Variants in LRPAP1 observed in about 807,000 individuals in gnomAD.
LRPAP1 encodes LDL receptor related protein associated protein 1, also known as alpha-2-macroglobulin receptor-associated protein.
A neutral mutation model predicts 39.9 loss-of-function variants in LRPAP1; 41 were observed. The ratio of observed to expected loss-of-function variants is 1.03; its 90% CI spans 0.80 to 1.33. The LOEUF (loss-of-function observed/expected upper bound fraction) is 1.33, where lower values mean the gene tolerates loss of function less well. Ranked by LOEUF, LRPAP1 falls within the 40% of genes most tolerant of loss-of-function variation. The pLI is 0.00. For synonymous variants in LRPAP1, 263 were observed against 212.7 expected, an observed-to-expected ratio of 1.24 and a Z score of -2.06; for missense variants, 565 against 482.3, an observed-to-expected ratio of 1.17 and a Z score of -1.61.
rs1729410191 is a variant in LRPAP1, at chr4:3,508,307, C to G, written c.*4667G>C. On this transcript the variant is annotated 3_prime_UTR_variant, in exon 8 of 8. Coordinates refer to ENST00000650182, the MANE Select transcript of LRPAP1 (RefSeq NM_002337.4). ...AAGCGTGAGCCACCATGCCAGGCCT[C>G]ATGTCTATTTTTAAAAATCAAGTTC... is the stretch of plus-strand genomic sequence containing the variant. 6.6e-6 allele frequency: 1 copy of G among 152,160 alleles called. No individual in the cohort carries two copies. The highest frequency in any genetic ancestry group is 2.4e-5 in the African/African-American group (1 of 41,432). 9.4% of individuals were successfully genotyped at this position (152,160 alleles called of 1,614,324 possible). A position where few individuals can be genotyped will look rare whatever the true frequency, so the allele number is the denominator to read the frequency against.
Position 3,513,040 on chromosome 4 carries a change from T to C in LRPAP1, c.1012-4A>G. On this transcript the variant is annotated splice_polypyrimidine_tract_variant and splice_region_variant and intron_variant, in intron 7 of 7. Coordinates refer to ENST00000650182, the MANE Select transcript of LRPAP1 (RefSeq NM_002337.4). ...GGTCCTGCAGATGCTTCTTCACCTGTGGACAGAAACGTCTCATCAGCTGGG... is the reference window on the plus strand; with the variant it reads ...GGTCCTGCAGATGCTTCTTCACCTGCGGACAGAAACGTCTCATCAGCTGGG... 1.9e-6 allele frequency: 3 copies of C among 1,611,304 alleles called. No individual in the cohort carries two copies. The highest frequency in any genetic ancestry group is 2.5e-6 in the Non-Finnish European group (3 of 1,178,678).
At position 3,505,630 on chromosome 4, in the gene LRPAP1, C is replaced by A. The variant is rs1209140876; in HGVS notation, c.*7344G>T. 5.3e-5 allele frequency among the ~76,000 whole-genome samples: 8 copies of A among 151,910 alleles called. No individual in the cohort carries two copies. Among genetic ancestry groups the A allele is most frequent in the African/African-American group, 1.7e-4 (7 of 41,366 alleles). On this transcript the variant is annotated 3_prime_UTR_variant, in exon 8 of 8. Transcript: ENST00000650182. ...GAGCACCACTACCAGCTACCCCAAG[C>A]CCGTCTATACCAGCTACCCCAAGAC...
chr4:3,524,961 C>T lies in LRPAP1; in HGVS notation c.295G>A (p.Asp99Asn). 1 of 1,614,178 alleles carries T rather than the reference C, an allele frequency of 6.2e-7. No homozygotes were observed. ...TTCTCCCCATCTTCGTCCAAGCCGTCAAGCTTTAGTTTCTTCCAGGCGAGT... is the reference window on the plus strand; with the variant it reads ...TTCTCCCCATCTTCGTCCAAGCCGTTAAGCTTTAGTTTCTTCCAGGCGAGT... ...DELAWKKLKL[D>N]GLDEDGEKEA... The change falls in exon 2 of 8, where the codon GAC (aspartate) becomes AAC (asparagine). Residue 99 changes from aspartate to asparagine, a missense_variant. By Grantham distance (23) the Asp-to-Asn change is conservative (BLOSUM62 1). Transcript: ENST00000650182.
At chr4:3,519,806 C>A (rs1004633536) in intron 3 of LRPAP1, among the ~76,000 whole-genome samples, 7 of 152,260 alleles carry the variant, frequency 4.6e-5, no homozygotes, top group African/African-American at 1.7e-4. Flanking sequence ...CGTAACCACA[C>A]GTGACCTGAG....
chr4:3,519,999 C>G, intron 3 of LRPAP1, 73 bp downstream of exon 3: 1 of 1,564,694 alleles, frequency 6.4e-7, no homozygotes, highest in Non-Finnish European at 8.7e-7. Context: ...AGAGACTGCC[C>G]CTCACAGCCC....
chr4:3,520,136 T>A lies in LRPAP1; in HGVS notation c.407A>T (p.Asn136Ile), dbSNP rs752216416. ...GKKDARQVTS[N>I]SLSGTQEDGL... is the part of the protein sequence containing the mutation. ...GTCTTCCTGGGTGCCACTGAGGGAG[T>A]TGCTGGTCACCTGCCGAGCGTCCTT... Residue 136 changes from asparagine to isoleucine, a missense_variant, in exon 3 of 8, where the codon AAC (asparagine) becomes ATC (isoleucine). By Grantham distance (149) the Asn-to-Ile change is moderately radical. Coordinates refer to ENST00000650182, the MANE Select transcript of LRPAP1 (RefSeq NM_002337.4). 6.2e-7 allele frequency: 1 copy of A among 1,613,920 alleles called. No individual in the cohort carries two copies. Among genetic ancestry groups the A allele is most frequent in the Non-Finnish European group, 8.5e-7 (1 of 1,179,982 alleles).
rs201228201 is a variant in LRPAP1, at chr4:3,509,992, T to C, written c.*2982A>G. ...TGAAATTCCAGAAGGCATGTTTTTTTGGTAGAAATTGAGACACTGATTGTA... is the reference window on the plus strand; with the variant it reads ...TGAAATTCCAGAAGGCATGTTTTTTCGGTAGAAATTGAGACACTGATTGTA... On this transcript the variant is annotated 3_prime_UTR_variant, in exon 8 of 8. Transcript: ENST00000650182. 1.3e-5 allele frequency: 2 copies of C among 151,430 alleles called. No individual in the cohort carries two copies. The highest frequency in any genetic ancestry group is 2.9e-5 in the Non-Finnish European group (2 of 67,848). 9.4% of individuals were successfully genotyped at this position (151,430 alleles called of 1,614,324 possible).
At position 3,504,526 on chromosome 4, in the gene LRPAP1, G is replaced by C. The variant is rs1446619110; in HGVS notation, c.*8448C>G. On this transcript the variant is annotated 3_prime_UTR_variant, in exon 8 of 8. Coordinates refer to ENST00000650182, the MANE Select transcript of LRPAP1 (RefSeq NM_002337.4). ...GCACTTTGGGAGGCCGAGGTGGGCG[G>C]ATTGCCTGAGGTCAGGAGTTCGAGA... 6.6e-6 allele frequency: 1 copy of C among 151,746 alleles called. No homozygotes were observed. The highest frequency in any genetic ancestry group is 1.5e-5 in the Non-Finnish European group (1 of 67,986). The allele number at this position is 151,746 out of a possible 1,614,324, so 9.4% of individuals were successfully genotyped here. A position where few individuals can be genotyped will look rare whatever the true frequency, so the allele number is the denominator to read the frequency against.
Position 3,532,373 on chromosome 4 carries a change from G to C in LRPAP1, c.40C>G (p.Pro14Ala). 1.9e-6 allele frequency: 3 copies of C among 1,592,460 alleles called. No individual in the cohort carries two copies. The highest frequency in any genetic ancestry group is 2.6e-6 in the Non-Finnish European group (3 of 1,170,106). The part of the protein sequence containing the change: ...RRVRSFLRGL[P>A]ALLLLLLFLG... ...AAGAGCAGCAGCAGTAGCAGCGCCG[G>C]GAGCCCGCGCAGAAACGACCTGACC... Residue 14 changes from proline to alanine, a missense_variant, in exon 1 of 8, where the codon CCG becomes GCG. By Grantham distance (27) the Pro-to-Ala change is conservative. Transcript: ENST00000650182.
At chr4:3,526,934 A>G (rs1005101221) in intron 1 of LRPAP1, among the ~76,000 whole-genome samples, 64 of 152,164 alleles carry the variant, frequency 4.2e-4, no homozygotes, top group African/African-American at 1.4e-3. Flanking sequence ...TTAGTTAGGG[A>G]TGAATTCAGA....
chr4:3,525,994 C>T (rs889908529), intron 1 of LRPAP1, among the ~76,000 whole-genome samples: 3 of 152,178 alleles, frequency 2.0e-5, no homozygotes, highest in Non-Finnish European at 2.9e-5. Flanking sequence ...TTCAGGGAAG[C>T]GAAGGCTCTT....
intron 5 of LRPAP1, among the ~76,000 whole-genome samples, 165 bp from the exon 6 acceptor site, chr4:3,516,363 G>A (rs1729702834): frequency 6.6e-6 from 1 of 152,280 alleles, no homozygotes; most frequent in Non-Finnish European, 1.5e-5. Context: ...ATGGGGCACA[G>A]AGGGCATCTG....
Position 3,511,901 on chromosome 4 carries a change from C to A in LRPAP1, c.*1073G>T, listed in dbSNP as rs1228333284. Reference sequence around the variant, plus strand: ...ACGGGAAGGGAACCACGCTCGGAGCCGGACCCGAGCCTCTTCCAGGCTCAG... The same window carrying A: ...ACGGGAAGGGAACCACGCTCGGAGCAGGACCCGAGCCTCTTCCAGGCTCAG... On this transcript the variant is annotated 3_prime_UTR_variant, in exon 8 of 8. Transcript: ENST00000650182. 1.1e-5 allele frequency: 1 copy of A among 93,738 alleles called. No homozygotes were observed. The highest frequency in any genetic ancestry group is 4.5e-5 in the African/African-American group (1 of 22,420). The allele number at this position is 93,738 out of a possible 1,614,324, so 5.8% of individuals were successfully genotyped here. A position where few individuals can be genotyped will look rare whatever the true frequency, so the allele number is the denominator to read the frequency against.
rs575020323 is a variant in LRPAP1, at chr4:3,511,358, G to A, written c.*1616C>T. 2 of 151,372 alleles carry A rather than the reference G, an allele frequency of 1.3e-5. No individual in the cohort carries two copies. Among genetic ancestry groups the A allele is most frequent in the Non-Finnish European group, 2.9e-5 (2 of 68,008 alleles). 9.4% of individuals were successfully genotyped at this position (151,372 alleles called of 1,614,324 possible). On this transcript the variant is annotated 3_prime_UTR_variant, in exon 8 of 8. Coordinates refer to ENST00000650182, the MANE Select transcript of LRPAP1 (RefSeq NM_002337.4). ...TGCATTAAAATCAGAGCACAGGACA[G>A]TCATGCAATGGAATACTATACAGCA... is the stretch of plus-strand genomic sequence containing the variant.
intron 1 of LRPAP1, 164 bp downstream of exon 1, chr4:3,532,045 C>T (rs1730270183): frequency 2.6e-6 from 2 of 768,558 alleles, no homozygotes; most frequent in Non-Finnish European, 4.0e-6. Flanking sequence ...GGTCGGGGCG[C>T]CCCACCTGAC....
intron 3 of LRPAP1, among the ~76,000 whole-genome samples, chr4:3,519,277 G>C (rs929289858): frequency 4.6e-5 from 7 of 152,250 alleles, no homozygotes; most frequent in African/African-American, 1.7e-4. Context: ...CAGCAGCCCG[G>C]TGACCCCGGG....
rs560293131 is a variant in LRPAP1 at position 3,514,100 on chromosome 4, C to T, written c.1011+652G>A. On this transcript the variant is annotated intron_variant, in intron 7 of 7. Transcript: ENST00000650182. ...CACCCTGGACCTGAGCTCCTGCCCA[C>T]GGGCAAGGGCCACAGGCTGCTCTCC... Among the ~76,000 whole-genome samples, 6 of 152,382 alleles carry T rather than the reference C, an allele frequency of 3.9e-5. No homozygotes were observed. The East Asian group carries it at 5.8e-4, about 15-fold the overall frequency.
At chr4:3,527,270 A>T (rs1210049335) in intron 1 of LRPAP1, among the ~76,000 whole-genome samples, 1 of 147,616 alleles carries the variant, frequency 6.8e-6, no homozygotes, top group Non-Finnish European at 1.5e-5. Context: ...CCAGAGCTCC[A>T]CCCCGTGCCC....
In LRPAP1 at chr4:3,511,723, G is replaced by A. The variant is rs562357681; in HGVS notation, c.*1251C>T. 4 of 116,002 alleles carry A rather than the reference G, an allele frequency of 3.4e-5. No homozygotes were observed. Among genetic ancestry groups the A allele is most frequent in the Non-Finnish European group, 5.9e-5 (3 of 51,214 alleles). 7.2% of individuals were successfully genotyped at this position (116,002 alleles called of 1,614,324 possible). A position where few individuals can be genotyped will look rare whatever the true frequency, so the allele number is the denominator to read the frequency against. On this transcript the variant is annotated 3_prime_UTR_variant, in exon 8 of 8. Coordinates refer to ENST00000650182, the MANE Select transcript of LRPAP1 (RefSeq NM_002337.4). ...TGGAGCCTCTTCCAGGTTCAAACAC[G>A]GGAACCACGCTCGGAGCTGGACCCG...
Sources: gnomAD v4.1 joint callset for allele counts (sites outside exome capture counted in the v4.1 genomes callset) on GRCh38, gnomAD v4.1.1 for gene constraint, MANE v1.5 for transcripts, NCBI Gene and HGNC (gene_info 2026-07-23, HGNC 2026-07-21) for gene names.